SDK1: variants seen among roughly 807,000 people sequenced by gnomAD.
SDK1 encodes sidekick cell adhesion molecule 1.
Under a neutral mutation model 245.5 loss-of-function variants are expected in SDK1, and 157 were observed. The ratio of observed to expected loss-of-function variants is 0.64; its 90% CI spans 0.56 to 0.73. The LOEUF is 0.73. Ranked by LOEUF, SDK1 falls within the 30% of genes least tolerant of loss-of-function variation. The pLI is 0.00. For missense variants in SDK1, 3,583 were observed against 3,002.3 expected, an observed-to-expected ratio of 1.19 and a Z score of -4.52; for synonymous variants, 1,647 against 1,278.5, an observed-to-expected ratio of 1.29 and a Z score of -6.15.
At chr7:3,721,674 G>A (rs552940424) in intron 4 of SDK1, among the ~76,000 whole-genome samples, 1 of 152,286 alleles carries the variant, frequency 6.6e-6, no homozygotes, top group African/African-American at 2.4e-5. Flanking sequence ...AGATCAGAGA[G>A]TGCATTGTGT....
At chr7:3,757,435 C>G (rs1423577307) in intron 4 of SDK1, among the ~76,000 whole-genome samples, 1 of 152,126 alleles carries the variant, frequency 6.6e-6, no homozygotes, top group East Asian at 1.9e-4. Flanking sequence ...TGGGGTCTCA[C>G]TGTGTTGCCT....
At chr7:4,145,615 GAAGAGAC>G (rs1182572208) in intron 28 of SDK1, 100 bp from the exon 29 acceptor site, 12 of 960,296 alleles carry the variant, frequency 1.2e-5, no homozygotes, top group Admixed American at 2.5e-5. Flanking sequence ...CAGAGACGGG[GAAGAGAC>G]AGATGGCCTT....
intron 4 of SDK1, among the ~76,000 whole-genome samples, chr7:3,777,483 C>G (rs750499818): frequency 6.6e-6 from 1 of 152,112 alleles, no homozygotes; most frequent in Non-Finnish European, 1.5e-5. Flanking sequence ...TGGGAATTAG[C>G]CAACCTGTGG....
intron 4 of SDK1, among the ~76,000 whole-genome samples, chr7:3,647,476 A>T (rs558743384): frequency 1.3e-5 from 2 of 152,166 alleles, no homozygotes; most frequent in Non-Finnish European, 2.9e-5. Flanking sequence ...GCTGGAGTGA[A>T]GTTGAAGTGG....
chr7:3,814,405 C>G (rs1779458317), intron 4 of SDK1, among the ~76,000 whole-genome samples: 1 of 150,838 alleles, frequency 6.6e-6, no homozygotes, highest in African/African-American at 2.5e-5. Context: ...TCAGGTTTGT[C>G]AAAGATCAGA....
intron 1 of SDK1, among the ~76,000 whole-genome samples, chr7:3,572,764 C>G (rs1780156806): frequency 6.6e-6 from 1 of 152,076 alleles, no homozygotes; most frequent in Non-Finnish European, 1.5e-5. Flanking sequence ...AGGACTTTCA[C>G]TTAGCAGGGG....
chr7:3,444,871 C>G lies in SDK1; in HGVS notation c.298+142987C>G, dbSNP rs77392493. On this transcript the variant is annotated intron_variant, in intron 1 of 44. Coordinates refer to ENST00000404826, the MANE Select transcript of SDK1 (RefSeq NM_152744.4). ...TGCATGGTTTGAATAGCCTCAGTAG[C>G]CAATTTCACAAACAAAAATGTAAGG... Among the ~76,000 whole-genome samples, 1,246 of 152,238 alleles carry G rather than the reference C, an allele frequency of 8.2e-3. 20 individuals are homozygous for G. Among genetic ancestry groups the G allele is most frequent in the African/African-American group, 0.029 (1,190 of 41,552 alleles).
At position 4,075,872 on chromosome 7, in the gene SDK1, C is replaced by A. The variant is rs535915595; in HGVS notation, c.3011-1126C>A. Among the ~76,000 whole-genome samples, 15 of 152,112 alleles carry A rather than the reference C, an allele frequency of 9.9e-5. No homozygotes were observed. In the East Asian group the frequency reaches 2.9e-3, roughly 30 times the overall value. On this transcript the variant is annotated intron_variant, in intron 20 of 44. Coordinates refer to ENST00000404826, the MANE Select transcript of SDK1 (RefSeq NM_152744.4). Reference sequence around the variant, plus strand: ...TTTCACATGTTGGCCAGGCTGGTCTCCAACTCCTGAGCTCAGGTGGTCCAC... The same window carrying A: ...TTTCACATGTTGGCCAGGCTGGTCTACAACTCCTGAGCTCAGGTGGTCCAC...
intron 4 of SDK1, among the ~76,000 whole-genome samples, chr7:3,739,180 C>G (rs139235810): frequency 6.6e-6 from 1 of 152,046 alleles, no homozygotes; most frequent in Non-Finnish European, 1.5e-5. Context: ...ATTTGCTGTT[C>G]TTTTCTTGAC....
intron 4 of SDK1, among the ~76,000 whole-genome samples, chr7:3,768,774 C>G (rs1426857058): frequency 1.3e-5 from 2 of 152,210 alleles, no homozygotes; most frequent in Admixed American, 1.3e-4. Flanking sequence ...CTTTCTGAAA[C>G]TCCCACGTGT....
At chr7:3,556,547 T>G (rs990377882) in intron 1 of SDK1, among the ~76,000 whole-genome samples, 2 of 152,104 alleles carry the variant, frequency 1.3e-5, no homozygotes, top group Admixed American at 6.5e-5. Flanking sequence ...AGGCCAGGTG[T>G]GGTGGCTCAC....
At chr7:4,155,873 G>T (rs1458631677) in intron 30 of SDK1, among the ~76,000 whole-genome samples, 1 of 152,184 alleles carries the variant, frequency 6.6e-6, no homozygotes, top group Non-Finnish European at 1.5e-5. Flanking sequence ...TGTAAAGACA[G>T]ATAGTCGTCA....
At chr7:3,817,233 A>G (rs1270490955) in intron 4 of SDK1, among the ~76,000 whole-genome samples, 1 of 152,140 alleles carries the variant, frequency 6.6e-6, no homozygotes, top group Non-Finnish European at 1.5e-5. Flanking sequence ...ATATTTCTGG[A>G]CACCTCCTGG....
At chr7:3,548,430 T>C (rs1779299141) in intron 1 of SDK1, among the ~76,000 whole-genome samples, 1 of 152,218 alleles carries the variant, frequency 6.6e-6, no homozygotes, top group African/African-American at 2.4e-5. Context: ...ATTTTAAATG[T>C]TAATAGATAA....
At chr7:3,799,883 G>A (rs796555404) in intron 4 of SDK1, among the ~76,000 whole-genome samples, 72 of 152,084 alleles carry the variant, frequency 4.7e-4, no homozygotes, top group African/African-American at 1.6e-3. Context: ...CTTAGTTCAT[G>A]GGGTTTTTTA....
At chr7:3,915,388 A>C (rs1241262044) in intron 5 of SDK1, among the ~76,000 whole-genome samples, 1 of 152,120 alleles carries the variant, frequency 6.6e-6, no homozygotes, top group African/African-American at 2.4e-5. Flanking sequence ...GTGTTGTGGG[A>C]GGGACCCGTG....
At position 3,635,966 on chromosome 7, in the gene SDK1, C is replaced by T. The variant is rs183035560; in HGVS notation, c.459-3038C>T. Among the ~76,000 whole-genome samples, 5 of 152,328 alleles carry T rather than the reference C, an allele frequency of 3.3e-5. No individual in the cohort carries two copies. The East Asian group carries it at 9.6e-4, about 29-fold the overall frequency. ...TAGACACCTTCCCATATGTGAAAAG[C>T]ATCCAATCCTCATGTCTTACTCTTT... On this transcript the variant is annotated intron_variant, in intron 2 of 44. Transcript: ENST00000404826.
At chr7:3,750,694 C>G (rs1779750175) in intron 4 of SDK1, among the ~76,000 whole-genome samples, 1 of 152,248 alleles carries the variant, frequency 6.6e-6, no homozygotes, top group African/African-American at 2.4e-5. Flanking sequence ...TTGGATTTTC[C>G]AAAGAAATAT....
intron 35 of SDK1, among the ~76,000 whole-genome samples, chr7:4,198,446 G>A (rs902312571): frequency 6.6e-5 from 10 of 152,188 alleles, no homozygotes; most frequent in African/African-American, 2.4e-4. Flanking sequence ...TGCTCTCATT[G>A]CAGCCCTCCT....
Sources: gnomAD v4.1 joint callset for allele counts (sites outside exome capture counted in the v4.1 genomes callset) on GRCh38, gnomAD v4.1.1 for gene constraint, MANE v1.5 for transcripts, NCBI Gene and HGNC (gene_info 2026-07-23, HGNC 2026-07-21) for gene names.